SEL1L2: variants seen among roughly 807,000 people sequenced by gnomAD.
SEL1L2 encodes the protein protein sel-1 homolog 2.
SEL1L2 carries 89 observed loss-of-function variants against 98.8 expected under a neutral mutation model. The ratio of observed to expected loss-of-function variants is 0.90; its 90% confidence interval spans 0.76 to 1.07. The LOEUF is 1.07. Ranked by LOEUF, SEL1L2 falls within the 50% of genes least tolerant of loss-of-function variation. The pLI, the probability that SEL1L2 is intolerant of heterozygous loss-of-function variation, is 0.00. For missense variants in SEL1L2, 788 were observed against 812.0 expected (o/e 0.97, Z 0.36); for synonymous variants, 262 against 278.5 (o/e 0.94, Z 0.59).
In SEL1L2 at chr20:13,971,219, T is replaced by G. The variant is rs532234883; in HGVS notation, c.59-15088A>C. 4.6e-5 allele frequency among the ~76,000 whole-genome samples: 7 copies of G among 152,314 alleles called. No individual in the cohort carries two copies. The East Asian group carries it at 1.4e-3, about 29-fold the overall frequency. ...TGTAAATATATTCTTCAGTCTGTTTTCAGCCTTTTAACTGTTTATTGTATC... is the reference window on the plus strand; with the variant it reads ...TGTAAATATATTCTTCAGTCTGTTTGCAGCCTTTTAACTGTTTATTGTATC... On this transcript the variant is annotated intron_variant, in intron 1 of 19. Transcript: ENST00000284951.
upstream of SEL1L2, among the ~76,000 whole-genome samples, chr20:13,994,355 C>A (rs1373309992): frequency 2.0e-5 from 3 of 147,352 alleles, no homozygotes; most frequent in African/African-American, 5.0e-5. Flanking sequence ...TGTTGTGAAT[C>A]ATCCTTATGA....
rs192583286 is a variant in SEL1L2 at position 13,937,716 on chromosome 20, T to C, written c.115-5945A>G. 6.7e-4 allele frequency among the ~76,000 whole-genome samples: 102 copies of C among 152,290 alleles called. 1 individual carries two copies. The highest frequency in any genetic ancestry group is 2.3e-3 in the African/African-American group (94 of 41,554). On this transcript the variant is annotated intron_variant, in intron 2 of 19. Coordinates refer to ENST00000284951, the MANE Select transcript of SEL1L2 (RefSeq NM_025229.2). Reference sequence around the variant, plus strand: ...ATATTACATGTTTTATCTACTCAATTATTTATAGACACTTTGTAAACCTTT... The same window carrying C: ...ATATTACATGTTTTATCTACTCAATCATTTATAGACACTTTGTAAACCTTT...
chr20:13,886,535 T>A, intron 8 of SEL1L2, 93 bp from the exon 9 acceptor site: 1 of 1,042,844 alleles, frequency 9.6e-7, no homozygotes, highest in Non-Finnish European at 1.4e-6. Flanking sequence ...CTTATTATCT[T>A]AAATTGTGCA....
At chr20:13,885,066 G>A (rs2046886999) in intron 10 of SEL1L2, among the ~76,000 whole-genome samples, 1 of 152,102 alleles carries the variant, frequency 6.6e-6, no homozygotes, top group South Asian at 2.1e-4. Context: ...AAGTGCGTGT[G>A]AGTGCGCAGA....
At chr20:13,937,616 T>C (rs890565162) in intron 2 of SEL1L2, among the ~76,000 whole-genome samples, 1 of 152,186 alleles carries the variant, frequency 6.6e-6, no homozygotes, top group African/African-American at 2.4e-5. Flanking sequence ...GGGTTTTAGC[T>C]GAACTAAGGA....
intron 3 of SEL1L2, among the ~76,000 whole-genome samples, chr20:13,924,140 T>TG (rs1450494843): frequency 6.6e-6 from 1 of 152,206 alleles, no homozygotes; most frequent in Admixed American, 6.5e-5. Context: ...TGATTAGTGT[T>TG]GCCTGGGATA....
chr20:13,956,226 C>G, intron 1 of SEL1L2, 95 bp from the exon 2 acceptor site: 2 of 628,770 alleles, frequency 3.2e-6, no homozygotes, highest in Non-Finnish European at 5.4e-6. Context: ...TTCTAGAAAA[C>G]TTTTAGAACT....
At chr20:13,884,497 CTTAT>C (rs2046856607) in intron 10 of SEL1L2, among the ~76,000 whole-genome samples, 1 of 151,600 alleles carries the variant, frequency 6.6e-6, no homozygotes, top group Admixed American at 6.6e-5. Flanking sequence ...GGTTAATTAA[CTTAT>C]TTATTTTTTT....
intron 1 of SEL1L2, among the ~76,000 whole-genome samples, chr20:13,957,342 T>A (rs1489648563): frequency 6.6e-6 from 1 of 152,216 alleles, no homozygotes; most frequent in East Asian, 1.9e-4. Flanking sequence ...CCTCAGGTGA[T>A]CTGCCTGCCT....
chr20:13,905,593 T>G (rs1338351385), intron 5 of SEL1L2, among the ~76,000 whole-genome samples: 1 of 151,846 alleles, frequency 6.6e-6, no homozygotes. Context: ...GGATTACAGG[T>G]GTAAGCCACC....
At chr20:13,871,396 G>A (rs541085634) in intron 12 of SEL1L2, among the ~76,000 whole-genome samples, 12 of 152,228 alleles carry the variant, frequency 7.9e-5, no homozygotes, top group African/African-American at 2.9e-4. Flanking sequence ...AATTTTGGAT[G>A]AAGAGTGAAC....
At chr20:13,978,341 C>G (rs867845643) in intron 1 of SEL1L2, among the ~76,000 whole-genome samples, 1 of 152,064 alleles carries the variant, frequency 6.6e-6, no homozygotes, top group African/African-American at 2.4e-5. Context: ...ACAAGGCATA[C>G]AAAAATCAAC....
chr20:13,905,871 CTTTTT>C (rs903449859), intron 5 of SEL1L2, among the ~76,000 whole-genome samples: 5 of 123,760 alleles, frequency 4.0e-5, no homozygotes, highest in Non-Finnish European at 8.6e-5. Context: ...TTTTCTTTTC[CTTTTT>C]TTTTTTTTTT....
chr20:13,943,933 T>C (rs2049896044), intron 2 of SEL1L2, among the ~76,000 whole-genome samples: 1 of 152,126 alleles, frequency 6.6e-6, no homozygotes, highest in Non-Finnish European at 1.5e-5. Flanking sequence ...TTAAAAGGCA[T>C]CATCCTGAAG....
chr20:13,910,123 C>T (rs947468838), intron 5 of SEL1L2, among the ~76,000 whole-genome samples: 2 of 152,168 alleles, frequency 1.3e-5, no homozygotes, highest in African/African-American at 4.8e-5. Context: ...CCAAAACACA[C>T]GTATCTAAGT....
chr20:13,906,025 C>T (rs982661793), intron 5 of SEL1L2, among the ~76,000 whole-genome samples: 2 of 152,026 alleles, frequency 1.3e-5, no homozygotes, highest in African/African-American at 4.8e-5. Flanking sequence ...CAAGCATGCA[C>T]CACCATACCC....
chr20:13,938,285 T>C (rs911718530), intron 2 of SEL1L2, among the ~76,000 whole-genome samples: 1 of 152,040 alleles, frequency 6.6e-6, no homozygotes, highest in Non-Finnish European at 1.5e-5. Flanking sequence ...TTCACCATGT[T>C]GGTCAGGCTC....
intron 1 of SEL1L2, among the ~76,000 whole-genome samples, chr20:13,974,561 C>A (rs2051446812): frequency 6.9e-6 from 1 of 144,502 alleles, no homozygotes; most frequent in Non-Finnish European, 1.5e-5. Context: ...TTACTGCAAC[C>A]TCCGCCTCCT....
chr20:13,987,308 A>C (rs1476377385), intron 1 of SEL1L2, among the ~76,000 whole-genome samples: 1 of 91,072 alleles, frequency 1.1e-5, no homozygotes, highest in Non-Finnish European at 2.1e-5. Context: ...TTGTTAATTT[A>C]CTGTTTTTTT....
Sources: allele counts gnomAD v4.1 joint callset (sites outside exome capture counted in the v4.1 genomes callset), GRCh38; gene constraint gnomAD v4.1.1; transcripts MANE v1.5; gene names NCBI Gene and HGNC (gene_info 2026-07-23, HGNC 2026-07-21).